Variants in HDAC4 observed in about 807,000 individuals in gnomAD.
The protein encoded by HDAC4 is histone deacetylase A.
A neutral mutation model predicts 135.1 loss-of-function variants in HDAC4; 16 were observed. The ratio of observed to expected loss-of-function variants is 0.12; its 90% CI spans 0.08 to 0.18. HDAC4 has a LOEUF of 0.18. Among genes scored for constraint, HDAC4 ranks in the 10% least tolerant of loss-of-function variants. The pLI, the probability that HDAC4 is intolerant of heterozygous loss-of-function variation, is 1.00. For missense variants in HDAC4, 1,143 were observed against 1,511.8 expected, an observed-to-expected ratio of 0.76 and a Z score of 4.05; for synonymous variants, 685 against 653.4, an observed-to-expected ratio of 1.05 and a Z score of -0.74.
chr2:239,066,051 C>T (rs1222500491), intron 24 of HDAC4, among the ~76,000 whole-genome samples: 1 of 152,236 alleles, frequency 6.6e-6, no homozygotes, highest in Non-Finnish European at 1.5e-5. Context: ...CTCACTGGCC[C>T]ACGCCTGGTG....
intron 2 of HDAC4, among the ~76,000 whole-genome samples, chr2:239,341,821 T>TC (rs1559373287): frequency 6.6e-6 from 1 of 151,934 alleles, no homozygotes; most frequent in Non-Finnish European, 1.5e-5. Flanking sequence ...AATGTTGGCG[T>TC]CCCCCCCAAA....
At chr2:239,395,087 C>A (rs1419685256) in intron 1 of HDAC4, among the ~76,000 whole-genome samples, 5 of 152,148 alleles carry the variant, frequency 3.3e-5, no homozygotes, top group East Asian at 1.9e-4. Flanking sequence ...TAAAGGGAGG[C>A]CATTCCAAGG....
intron 2 of HDAC4, among the ~76,000 whole-genome samples, chr2:239,242,613 A>G (rs1400522992): frequency 2.6e-5 from 4 of 152,228 alleles, no homozygotes; most frequent in African/African-American, 9.6e-5. Flanking sequence ...TCCACCTTCC[A>G]GACCTCACAC....
intron 13 of HDAC4, among the ~76,000 whole-genome samples, chr2:239,113,265 A>C (rs2038839774): frequency 1.3e-5 from 2 of 151,938 alleles, no homozygotes; most frequent in Non-Finnish European, 2.9e-5. Context: ...CACACACACA[A>C]AAGGAATCAG....
At chr2:239,208,071 C>G (rs963668729) in intron 3 of HDAC4, among the ~76,000 whole-genome samples, 6 of 151,914 alleles carry the variant, frequency 3.9e-5, no homozygotes, top group Admixed American at 2.6e-4. Context: ...GCCTGTAATC[C>G]CAGCACTTTG....
intron 2 of HDAC4, among the ~76,000 whole-genome samples, chr2:239,242,218 A>T (rs2048220621): frequency 1.0e-5 from 1 of 98,872 alleles, no homozygotes; most frequent in Non-Finnish European, 1.9e-5. Context: ...AGGACGAGAG[A>T]GGAAGGAGGG....
chr2:239,052,658 G>A lies in HDAC4; in HGVS notation c.*439C>T, dbSNP rs1439319518. 1 of 234,042 alleles carries A rather than the reference G, an allele frequency of 4.3e-6. No individual in the cohort carries two copies. Among genetic ancestry groups the A allele is most frequent in the South Asian group, 6.0e-5 (1 of 16,670 alleles). The allele number at this position is 234,042 out of a possible 1,614,324, so 14.5% of individuals were successfully genotyped here. A position where few individuals can be genotyped will look rare whatever the true frequency, so the allele number is the denominator to read the frequency against. Reference sequence around the variant, plus strand: ...GTCGAGTGGTTTACACAGAGACTGTGGAGTTGTGGGTAATAAACTTTAAGC... The same window carrying A: ...GTCGAGTGGTTTACACAGAGACTGTAGAGTTGTGGGTAATAAACTTTAAGC... On this transcript the variant is annotated 3_prime_UTR_variant, in exon 27 of 27. Transcript: ENST00000543185.
intron 16 of HDAC4, among the ~76,000 whole-genome samples, chr2:239,100,375 T>C (rs1385075778): frequency 6.6e-6 from 1 of 152,240 alleles, no homozygotes; most frequent in Non-Finnish European, 1.5e-5. Flanking sequence ...GGATTTTCTT[T>C]TTCTGCGGTC....
intron 2 of HDAC4, among the ~76,000 whole-genome samples, chr2:239,318,957 G>A (rs911234309): frequency 6.6e-6 from 1 of 152,082 alleles, no homozygotes; most frequent in African/African-American, 2.4e-5. Flanking sequence ...GCCAAGGAAC[G>A]GAACAGCCCC....
chr2:239,375,001 G>C (rs964290514), intron 1 of HDAC4, among the ~76,000 whole-genome samples: 1 of 152,188 alleles, frequency 6.6e-6, no homozygotes, highest in Non-Finnish European at 1.5e-5. Context: ...GACGCTGCCA[G>C]GGCACCTGGA....
rs370314566 is a variant in HDAC4, at chr2:239,139,789, C to T, written c.873G>A (p.Ala291=). 1.3e-5 allele frequency: 21 copies of T among 1,613,536 alleles called. No individual in the cohort carries two copies. Among genetic ancestry groups the T allele is most frequent in the African/African-American group, 4.0e-5 (3 of 74,698 alleles). Residue 291 remains alanine, a synonymous_variant, in exon 9 of 27, where the codon GCG becomes GCA. Coordinates refer to ENST00000543185, the MANE Select transcript of HDAC4 (RefSeq NM_001378414.1). The surrounding 1 kb of genome is among the most constrained non-coding windows in gnomAD (Gnocchi z 5.3). The part of the protein sequence containing the change: ...KKRPLDVTDS[A]CSSAPGSGPS... Reference sequence around the variant, plus strand: ...GTCCGGAGCCTGGGGCGCTGCTGCACGCGGAGTCTGCGGAGGCAGAAATAC... The same window carrying T: ...GTCCGGAGCCTGGGGCGCTGCTGCATGCGGAGTCTGCGGAGGCAGAAATAC...
In HDAC4 at chr2:239,051,482, G is replaced by A. The variant is rs542504204; in HGVS notation, c.*1615C>T. ...AAGATTTAGACATTATTACCATTCAGAAAATTGCTAAATGGTGAGGAAAAA... is the reference window on the plus strand; with the variant it reads ...AAGATTTAGACATTATTACCATTCAAAAAATTGCTAAATGGTGAGGAAAAA... On this transcript the variant is annotated 3_prime_UTR_variant, in exon 27 of 27. Coordinates refer to ENST00000543185, the MANE Select transcript of HDAC4 (RefSeq NM_001378414.1). 1.0e-4 allele frequency: 16 copies of A among 152,570 alleles called. No homozygotes were observed. The East Asian group carries it at 2.5e-3, about 24-fold the overall frequency. The allele number at this position is 152,570 out of a possible 1,614,324, so 9.5% of individuals were successfully genotyped here. A position where few individuals can be genotyped will look rare whatever the true frequency, so the allele number is the denominator to read the frequency against.
intron 4 of HDAC4, among the ~76,000 whole-genome samples, chr2:239,178,986 C>T (rs1255363388): frequency 1.3e-5 from 2 of 150,764 alleles, no homozygotes; most frequent in Non-Finnish European, 3.0e-5. Flanking sequence ...GAGGCAGCCA[C>T]CAGACGCCCG....
At chr2:239,164,508 G>T (rs768715118) in intron 5 of HDAC4, among the ~76,000 whole-genome samples, 1 of 152,214 alleles carries the variant, frequency 6.6e-6, no homozygotes, top group Non-Finnish European at 1.5e-5. Flanking sequence ...GTTTTCTTCC[G>T]TGGCGGTGAT....
At chr2:239,234,029 T>A (rs2047744391) in intron 3 of HDAC4, among the ~76,000 whole-genome samples, 2 of 152,228 alleles carry the variant, frequency 1.3e-5, no homozygotes, top group African/African-American at 4.8e-5. Flanking sequence ...CATTTTCCTA[T>A]CAATTTTCCA....
At chr2:239,089,018 G>A (rs888050535) in intron 18 of HDAC4, among the ~76,000 whole-genome samples, 1 of 152,134 alleles carries the variant, frequency 6.6e-6, no homozygotes, top group Non-Finnish European at 1.5e-5. Context: ...CTCCAAGAAG[G>A]GCTAATGGTT....
At position 239,359,254 on chromosome 2, in the gene HDAC4, C is replaced by A. The variant is rs568082092; in HGVS notation, c.-219-6336G>T. 2.0e-5 allele frequency among the ~76,000 whole-genome samples: 3 copies of A among 152,346 alleles called. No individual in the cohort carries two copies. In the Middle Eastern group the frequency reaches 0.01, roughly 518 times the overall value. On this transcript the variant is annotated intron_variant, in intron 1 of 26. Coordinates refer to ENST00000543185, the MANE Select transcript of HDAC4 (RefSeq NM_001378414.1). The stretch of plus-strand genomic sequence containing the variant: ...CAACACCCTGGCATTCACGCTGCGT[C>A]GGTACCTCCTTCCACCTACACTGAA...
At position 239,094,101 on chromosome 2, in the gene HDAC4, C is replaced by T. The variant is rs1342388345; in HGVS notation, c.2280+909G>A. The stretch of plus-strand genomic sequence containing the variant: ...TTACACACACACTGCACCGTTTCGG[C>T]TGCAGCGGCTCCTGCTGTCCACCGG... On this transcript the variant is annotated intron_variant, in intron 17 of 26. Coordinates refer to ENST00000543185, the MANE Select transcript of HDAC4 (RefSeq NM_001378414.1). 7.1e-6 allele frequency: 7 copies of T among 985,330 alleles called. No individual in the cohort carries two copies. The African/African-American group carries it at 1.2e-4, about 17-fold the overall frequency. The allele number at this position is 985,330 out of a possible 1,614,324, so 61.0% of individuals were successfully genotyped here. A position where few individuals can be genotyped will look rare whatever the true frequency, so the allele number is the denominator to read the frequency against.
chr2:239,254,063 C>T (rs1366573186), intron 2 of HDAC4, among the ~76,000 whole-genome samples: 1 of 152,194 alleles, frequency 6.6e-6, no homozygotes, highest in African/African-American at 2.4e-5. Context: ...ACCTGGGTCC[C>T]TGTGGATGTG....
Sources: gnomAD v4.1 joint callset for allele counts (sites outside exome capture counted in the v4.1 genomes callset) on GRCh38, gnomAD v4.1.1 for gene constraint, Gnocchi (gnomAD v3.1) non-coding constraint, MANE v1.5 for transcripts, NCBI Gene and HGNC (gene_info 2026-07-23, HGNC 2026-07-21) for gene names.